The following RTL4 variants were observed in gnomAD, a reference collection of about 807,000 sequenced individuals.
RTL4 encodes retrotransposon Gag like 4.
A neutral mutation model predicts 5.3 loss-of-function variants in RTL4; 4 were observed. The observed-to-expected ratio is 0.75, with a 90% confidence interval of 0.37 to 1.72. The LOEUF is 1.72. Among genes scored for constraint, RTL4 ranks in the 40% most tolerant of loss-of-function variants. The pLI, the probability that RTL4 is intolerant of heterozygous loss-of-function variation, is 0.04. For synonymous variants in RTL4, 98 were observed against 87.3 expected (o/e 1.12, Z -0.68); for missense variants, 260 against 227.1 (o/e 1.14, Z -0.93).
At chrX:112,259,715 G>T in the RTL4 span, among the ~76,000 whole-genome samples, 1 of 111,215 alleles carries the variant, frequency 9.0e-6, no homozygotes, top group African/African-American at 3.3e-5. Context: ...AAGAAAAAGT[G>T]GTGGCTAGTG....
chrX:112,443,349 T>C, the RTL4 span, among the ~76,000 whole-genome samples: 1 of 111,931 alleles, frequency 8.9e-6, no homozygotes, highest in African/African-American at 3.2e-5. Flanking sequence ...GACACTTAGC[T>C]TGCTTCCAAT....
the RTL4 span, among the ~76,000 whole-genome samples, chrX:112,215,238 T>A: frequency 3.6e-5 from 4 of 111,976 alleles, no homozygotes; most frequent in Non-Finnish European, 7.5e-5. Flanking sequence ...ATCTATAACC[T>A]CAAACATTAT....
chrX:112,296,012 C>T, the RTL4 span, among the ~76,000 whole-genome samples: 2 of 111,796 alleles, frequency 1.8e-5, no homozygotes, highest in South Asian at 3.8e-4. Flanking sequence ...CCTATTTCCT[C>T]GTTTGTCCTC....
chrX:112,449,416 T>C, the RTL4 span, among the ~76,000 whole-genome samples: 1 of 105,509 alleles, frequency 9.5e-6, no homozygotes, highest in African/African-American at 3.6e-5. Context: ...GGGGCTCCTG[T>C]TGGAGCCAAA....
the RTL4 span, among the ~76,000 whole-genome samples, chrX:112,185,254 T>C: frequency 7.0e-3 from 766 of 109,076 alleles, 4 homozygotes; most frequent in South Asian, 0.013. Flanking sequence ...TTCCCTGTTA[T>C]GGAGTAGACA....
chrX:112,381,799 T>C, the RTL4 span: 1 of 1,209,102 alleles, frequency 8.3e-7, no homozygotes, highest in Non-Finnish European at 1.1e-6. Flanking sequence ...CTGAGACAGC[T>C]GCAAAGACAC....
At chrX:112,285,067 A>G in the RTL4 span, among the ~76,000 whole-genome samples, 1 of 112,198 alleles carries the variant, frequency 8.9e-6, no homozygotes, top group African/African-American at 3.2e-5. Flanking sequence ...TGGCCCAGTA[A>G]ACATACCAGG....
At chrX:112,245,467 T>C in the RTL4 span, among the ~76,000 whole-genome samples, 1 of 111,881 alleles carries the variant, frequency 8.9e-6, no homozygotes, top group Non-Finnish European at 1.9e-5. Flanking sequence ...ACTGATACCC[T>C]TTCTTCCATT....
chrX:112,223,442 T>G, the RTL4 span, among the ~76,000 whole-genome samples: 1 of 112,150 alleles, frequency 8.9e-6, no homozygotes, highest in Non-Finnish European at 1.9e-5. Context: ...TGGATCTCAC[T>G]ATCCTAAATG....
At chrX:112,401,751 A>G in the RTL4 span, among the ~76,000 whole-genome samples, 1 of 111,770 alleles carries the variant, frequency 8.9e-6, no homozygotes, top group Non-Finnish European at 1.9e-5. Context: ...GCTATAGCCT[A>G]ACAAACTTCA....
chrX:112,328,280 C>A, the RTL4 span, among the ~76,000 whole-genome samples: 1 of 110,506 alleles, frequency 9.0e-6, no homozygotes, highest in Admixed American at 9.7e-5. Context: ...TGCAGAGACA[C>A]ACATAGGCTC....
At chrX:112,180,404 A>G in the RTL4 span, among the ~76,000 whole-genome samples, 115 of 111,955 alleles carry the variant, frequency 1.0e-3, no homozygotes, top group African/African-American at 3.5e-3. Flanking sequence ...CTAGAACTGA[A>G]AAGGAGATAA....
At chrX:112,373,869 G>A in the RTL4 span, among the ~76,000 whole-genome samples, 1 of 110,261 alleles carries the variant, frequency 9.1e-6, no homozygotes, top group Admixed American at 9.7e-5. Flanking sequence ...CACATCAAAG[G>A]AATTATATGG....
At chrX:112,208,148 A>ACTG in the RTL4 span, among the ~76,000 whole-genome samples, 27 of 112,038 alleles carry the variant, frequency 2.4e-4, no homozygotes, top group African/African-American at 8.4e-4. Flanking sequence ...ATGATTTCAA[A>ACTG]CTGCTATTAG....
At chrX:112,395,597 CTTAG>C in the RTL4 span, among the ~76,000 whole-genome samples, 1 of 111,513 alleles carries the variant, frequency 9.0e-6, no homozygotes, top group Non-Finnish European at 1.9e-5. Context: ...ACATGGTTAT[CTTAG>C]TTAGAAGAGT....
chrX:112,373,048 C>T, the RTL4 span, among the ~76,000 whole-genome samples: 1 of 111,402 alleles, frequency 9.0e-6, no homozygotes, highest in African/African-American at 3.3e-5. Flanking sequence ...AGAGTGAGAA[C>T]AGTTTACTCT....
chrX:112,194,866 A>G, the RTL4 span, among the ~76,000 whole-genome samples: 1 of 112,341 alleles, frequency 8.9e-6, no homozygotes, highest in Admixed American at 9.5e-5. Flanking sequence ...AATGAAAGCT[A>G]TAAGCCACGG....
At chrX:112,308,314 A>G in the RTL4 span, among the ~76,000 whole-genome samples, 2 of 111,495 alleles carry the variant, frequency 1.8e-5, no homozygotes, top group African/African-American at 6.5e-5. Context: ...TGGTAACTTT[A>G]AAAAATCATC....
chrX:112,102,801 A>C, the RTL4 span, among the ~76,000 whole-genome samples: 1 of 112,299 alleles, frequency 8.9e-6, no homozygotes. Flanking sequence ...AAAAGAAGAC[A>C]TATATGTGGA....
Sources: gnomAD v4.1 joint callset for allele counts (sites outside exome capture counted in the v4.1 genomes callset) on GRCh38, gnomAD v4.1.1 for gene constraint, MANE v1.5 for transcripts, NCBI Gene and HGNC (gene_info 2026-07-23, HGNC 2026-07-21) for gene names.